GAD2: variants seen among roughly 807,000 people sequenced by gnomAD.
GAD2 encodes glutamate decarboxylase 2.
In GAD2, 22 loss-of-function variants were observed where a neutral mutation model predicts 80.1. The ratio of observed to expected loss-of-function variants is 0.27; its 90% CI spans 0.20 to 0.39. GAD2 has a LOEUF of 0.39. Among genes scored for constraint, GAD2 ranks in the 10% least tolerant of loss-of-function variants. The pLI is 1.00. For missense variants in GAD2, 624 were observed against 738.4 expected (o/e 0.85, Z 1.80); for synonymous variants, 274 against 256.9 (o/e 1.07, Z -0.64).
chr10:26,220,077 T>C (rs1844434214), intron 4 of GAD2, among the ~76,000 whole-genome samples: 1 of 152,186 alleles, frequency 6.6e-6, no homozygotes, highest in Non-Finnish European at 1.5e-5. Context: ...CGAGCTTTCA[T>C]GTTATCTACA....
chr10:26,246,525 A>G (rs1054664704), intron 8 of GAD2, among the ~76,000 whole-genome samples: 7 of 152,168 alleles, frequency 4.6e-5, no homozygotes, highest in Non-Finnish European at 1.0e-4. Context: ...TTTGTGGGAG[A>G]GATTTTAGAA....
At chr10:26,241,253 G>A (rs1383745915) in intron 7 of GAD2, among the ~76,000 whole-genome samples, 1 of 152,194 alleles carries the variant, frequency 6.6e-6, no homozygotes, top group Non-Finnish European at 1.5e-5. Flanking sequence ...ATTCTCATTA[G>A]CTCATTCCCA....
At chr10:26,256,285 C>T (rs1385164617) in intron 8 of GAD2, among the ~76,000 whole-genome samples, 3 of 151,898 alleles carry the variant, frequency 2.0e-5, no homozygotes, top group Non-Finnish European at 4.4e-5. Flanking sequence ...TTTGCAAGCT[C>T]CTTGCAGACA....
Position 26,300,779 on chromosome 10 carries a change from GT to G in GAD2, c.1585-8del. 2 of 1,612,938 alleles carry G rather than the reference GT, an allele frequency of 1.2e-6. No individual in the cohort carries two copies. The highest frequency in any genetic ancestry group is 1.7e-6 in the Non-Finnish European group (2 of 1,179,190). On this transcript the variant is annotated splice_polypyrimidine_tract_variant and splice_region_variant and intron_variant, in intron 15 of 15. Coordinates refer to ENST00000376261, the MANE Select transcript of GAD2 (RefSeq NM_001134366.2). The stretch of plus-strand genomic sequence containing the variant: ...GAAAGTCACCATGCTGATATGGTCT[GT>G]CCCACAGGTGGCTCCAGTGATTAAA...
chr10:26,288,365 T>C (rs1834172183), intron 13 of GAD2, among the ~76,000 whole-genome samples: 3 of 152,230 alleles, frequency 2.0e-5, no homozygotes, highest in Admixed American at 2.0e-4. Context: ...TCAGGAGCTT[T>C]ACATGAAGTG....
rs1488283623 is a variant in GAD2 at position 26,301,869 on chromosome 10, T to C, written c.*908T>C. ...TTCATCTCAGATTAAATTAGGGTAA[T>C]TGTCTCTATTCTGCTTTCCAGTTCG... On this transcript the variant is annotated 3_prime_UTR_variant, in exon 16 of 16. Transcript: ENST00000376261. 6.6e-6 allele frequency: 1 copy of C among 152,222 alleles called. No homozygotes were observed. Among genetic ancestry groups the C allele is most frequent in the Non-Finnish European group, 1.5e-5 (1 of 68,046 alleles). 9.4% of individuals were successfully genotyped at this position (152,222 alleles called of 1,614,324 possible). A position where few individuals can be genotyped will look rare whatever the true frequency, so the allele number is the denominator to read the frequency against.
At chr10:26,216,597 C>T (rs143662552), upstream of GAD2, 18 of 429,720 alleles carry the variant, frequency 4.2e-5, no homozygotes, top group East Asian at 7.7e-4. This position sits in a 1 kb window ranked among gnomAD's most constrained non-coding sequence, Gnocchi z 4.7. Flanking sequence ...GTTGCCACGT[C>T]CCTAAACCCT....
intron 6 of GAD2, among the ~76,000 whole-genome samples, chr10:26,225,811 C>T (rs1401806541): frequency 6.6e-6 from 1 of 152,148 alleles, no homozygotes; most frequent in East Asian, 1.9e-4. Context: ...GGAAAATTAG[C>T]CTTTTAAAAA....
At chr10:26,295,081 A>AC (rs1834258048) in intron 15 of GAD2, among the ~76,000 whole-genome samples, 1 of 112,376 alleles carries the variant, frequency 8.9e-6, no homozygotes, top group African/African-American at 7.0e-5. Flanking sequence ...CAGAATAAAA[A>AC]CTTTTTTTTT....
intron 11 of GAD2, among the ~76,000 whole-genome samples, chr10:26,274,829 A>G (rs570310806): frequency 2.6e-5 from 4 of 152,300 alleles, no homozygotes; most frequent in African/African-American, 9.6e-5. Context: ...AAGAAGGCAA[A>G]AAAGAGTTGG....
At chr10:26,233,878 G>A (rs960677675) in intron 7 of GAD2, among the ~76,000 whole-genome samples, 1 of 152,192 alleles carries the variant, frequency 6.6e-6, no homozygotes, top group South Asian at 2.1e-4. Flanking sequence ...CATGGGTCAA[G>A]ACAGACGCTG....
upstream of GAD2, chr10:26,216,619 G>T (rs1174334735): frequency 1.1e-5 from 5 of 453,746 alleles, no homozygotes; most frequent in Non-Finnish European, 1.9e-5. The surrounding 1 kb of genome is among the most constrained non-coding windows in gnomAD (Gnocchi z 4.7). Flanking sequence ...TCTCCAGCTC[G>T]CATACACACA....
intron 13 of GAD2, among the ~76,000 whole-genome samples, chr10:26,290,733 T>G (rs1834205714): frequency 6.6e-6 from 1 of 152,180 alleles, no homozygotes. Flanking sequence ...CAAGACCACA[T>G]AGAGGCAGCA....
chr10:26,264,465 C>T lies in GAD2; in HGVS notation c.921-4654C>T, dbSNP rs536697704. On this transcript the variant is annotated intron_variant, in intron 8 of 15. Coordinates refer to ENST00000376261, the MANE Select transcript of GAD2 (RefSeq NM_001134366.2). The stretch of plus-strand genomic sequence containing the variant: ...CTGGGACTACAGGTGCCCACCACCA[C>T]GCCCGGCTGATTTTTTGTATTTTTT... Among the ~76,000 whole-genome samples, 68 of 147,432 alleles carry T rather than the reference C, an allele frequency of 4.6e-4. 2 individuals are homozygous for T. The South Asian group carries it at 0.014, about 30-fold the overall frequency.
At chr10:26,238,631 C>G (rs1006986105) in intron 7 of GAD2, among the ~76,000 whole-genome samples, 1 of 152,216 alleles carries the variant, frequency 6.6e-6, no homozygotes, top group Non-Finnish European at 1.5e-5. Flanking sequence ...GCTTCACAGA[C>G]GTGCCTGTGT....
Position 26,224,614 on chromosome 10 carries a change from C to G in GAD2, c.687C>G (p.Gly229=). ...TAAAGAAAATGAGAGAAATCATTGG[C>G]TGGCCAGGGGGCTCTGGCGATGGGA... ...VTLKKMREII[G]WPGGSGDGIF... Residue 229 remains glycine (G), a synonymous_variant, in exon 6 of 16, where the codon GGC becomes GGG. Coordinates refer to ENST00000376261, the MANE Select transcript of GAD2 (RefSeq NM_001134366.2). The G allele has an allele frequency of 6.2e-7, 1 of 1,613,800 alleles. No homozygotes were observed. The highest frequency in any genetic ancestry group is 8.5e-7 in the Non-Finnish European group (1 of 1,179,746).
Position 26,292,456 on chromosome 10 carries a change from C to A in GAD2, c.1387-9C>A. 2 of 1,608,812 alleles carry A rather than the reference C, an allele frequency of 1.2e-6. No individual in the cohort carries two copies. The highest frequency in any genetic ancestry group is 1.7e-6 in the Non-Finnish European group (2 of 1,175,256). ...CCTGCTTAATGAGCTGTGTCCTTCT[C>A]TTACCTAGGGGACTACCGGGTTTGA... is the stretch of plus-strand genomic sequence containing the variant. On this transcript the variant is annotated splice_polypyrimidine_tract_variant and intron_variant, in intron 13 of 15. Coordinates refer to ENST00000376261, the MANE Select transcript of GAD2 (RefSeq NM_001134366.2).
At chr10:26,238,633 T>C (rs965448370) in intron 7 of GAD2, among the ~76,000 whole-genome samples, 1 of 152,238 alleles carries the variant, frequency 6.6e-6, no homozygotes, top group Non-Finnish European at 1.5e-5. Context: ...TTCACAGACG[T>C]GCCTGTGTAC....
chr10:26,261,055 A>G (rs1027745849), intron 8 of GAD2, among the ~76,000 whole-genome samples: 5 of 152,200 alleles, frequency 3.3e-5, no homozygotes, highest in African/African-American at 1.2e-4. Flanking sequence ...TATACTTATC[A>G]GTTATTTATA....
Sources: gnomAD v4.1 joint callset for allele counts (sites outside exome capture counted in the v4.1 genomes callset) on GRCh38, gnomAD v4.1.1 for gene constraint, Gnocchi (gnomAD v3.1) non-coding constraint, MANE v1.5 for transcripts, NCBI Gene and HGNC (gene_info 2026-07-23, HGNC 2026-07-21) for gene names.